SEMA3A: variants seen among roughly 807,000 people sequenced by gnomAD.
SEMA3A encodes the protein semaphorin-3A.
A neutral mutation model predicts 97.9 loss-of-function variants in SEMA3A; 29 were observed. The observed-to-expected ratio is 0.30, with a 90% CI of 0.22 to 0.40. SEMA3A has a LOEUF of 0.40. SEMA3A is among the 10% of genes least tolerant of loss of function. The pLI is 1.00. For synonymous variants in SEMA3A, 321 were observed against 323.7 expected (o/e 0.99, Z 0.09); for missense variants, 763 against 951.3 (o/e 0.80, Z 2.60).
intron 1 of SEMA3A, among the ~76,000 whole-genome samples, chr7:84,470,983 T>G (rs1806131172): frequency 6.6e-6 from 1 of 152,032 alleles, no homozygotes; most frequent in Non-Finnish European, 1.5e-5. Flanking sequence ...TAGACAGGAA[T>G]AAAAGAGAGA....
intron 1 of SEMA3A, among the ~76,000 whole-genome samples, chr7:84,469,013 A>C (rs1806076229): frequency 6.6e-6 from 1 of 152,126 alleles, no homozygotes. Context: ...AATGTAAAGA[A>C]ATTTTTTGAT....
intron 1 of SEMA3A, among the ~76,000 whole-genome samples, chr7:84,395,515 TC>T (rs899252824): frequency 5.3e-5 from 8 of 152,042 alleles, no homozygotes; most frequent in Non-Finnish European, 1.2e-4. Flanking sequence ...TGGTTCTGTG[TC>T]CCCACCCAAA....
At chr7:84,490,548 C>T (rs1372625143) in intron 1 of SEMA3A, among the ~76,000 whole-genome samples, 7 of 151,924 alleles carry the variant, frequency 4.6e-5, no homozygotes, top group Admixed American at 4.6e-4. Context: ...AATTTTCATT[C>T]ACCAATTATT....
At chr7:84,053,088 T>C (rs1283596525) in intron 5 of SEMA3A, among the ~76,000 whole-genome samples, 1 of 145,536 alleles carries the variant, frequency 6.9e-6, no homozygotes, top group African/African-American at 2.5e-5. Flanking sequence ...TAGTTTGTTA[T>C]AATTTCTGTT....
chr7:84,418,958 C>T (rs200206182), intron 1 of SEMA3A, among the ~76,000 whole-genome samples: 1 of 119,974 alleles, frequency 8.3e-6, no homozygotes, highest in Non-Finnish European at 1.9e-5. Context: ...TATATATATA[C>T]ACACACACAT....
rs368307188 is a variant in SEMA3A at position 84,360,330 on chromosome 7, C to T, written c.-169+11494G>A. ...CTGCTTTAAATGTGTCCCAGAGATTCTGCTATGTTGTGTCTCTGTTCTCGT... is the reference window on the plus strand; with the variant it reads ...CTGCTTTAAATGTGTCCCAGAGATTTTGCTATGTTGTGTCTCTGTTCTCGT... On this transcript the variant is annotated intron_variant, in intron 2 of 3. Coordinates refer to the SEMA3A transcript ENST00000424555. 2.6e-4 allele frequency among the ~76,000 whole-genome samples: 39 copies of T among 152,096 alleles called. No homozygotes were observed. The East Asian group carries it at 5.8e-3, about 23-fold the overall frequency.
At chr7:84,325,045 A>G (rs1278048548) in intron 2 of SEMA3A, among the ~76,000 whole-genome samples, 1 of 152,176 alleles carries the variant, frequency 6.6e-6, no homozygotes, top group Non-Finnish European at 1.5e-5. Flanking sequence ...TAAATGCTAT[A>G]TATACCATAA....
At chr7:84,428,036 A>G (rs996169333) in intron 1 of SEMA3A, among the ~76,000 whole-genome samples, 3 of 152,230 alleles carry the variant, frequency 2.0e-5, no homozygotes, top group African/African-American at 7.2e-5. Context: ...TCCTGATATG[A>G]AAAAAGTTCA....
At chr7:84,266,831 C>T (rs946838232) in intron 3 of SEMA3A, among the ~76,000 whole-genome samples, 5 of 151,990 alleles carry the variant, frequency 3.3e-5, no homozygotes, top group African/African-American at 9.7e-5. Context: ...TAAGCATTAC[C>T]TAATCATTGG....
chr7:84,190,000 C>T (rs1797992828), intron 1 of SEMA3A, among the ~76,000 whole-genome samples: 3 of 151,512 alleles, frequency 2.0e-5, no homozygotes, highest in Admixed American at 2.0e-4. Flanking sequence ...GAAAAAAACC[C>T]TAAAAAGTTA....
intron 3 of SEMA3A, among the ~76,000 whole-genome samples, chr7:84,228,610 A>G (rs941211673): frequency 6.6e-5 from 10 of 152,158 alleles, no homozygotes; most frequent in African/African-American, 2.2e-4. Flanking sequence ...CATTTAGAAA[A>G]GAAAAAAAAC....
intron 3 of SEMA3A, among the ~76,000 whole-genome samples, chr7:84,261,751 C>T (rs544489181): frequency 1.3e-5 from 2 of 152,326 alleles, no homozygotes; most frequent in South Asian, 4.1e-4. Flanking sequence ...GCAGGCATGG[C>T]ATCCAGGCTG....
At chr7:84,195,034 G>GAGAA, upstream of SEMA3A, 1 of 152,282 alleles carries the variant, frequency 6.6e-6, no homozygotes, top group African/African-American at 2.4e-5. Flanking sequence ...AAGAGAGAGA[G>GAGAA]AGAGAGAGAG....
At chr7:84,268,423 G>T (rs112136636) in intron 3 of SEMA3A, among the ~76,000 whole-genome samples, 127 of 152,100 alleles carry the variant, frequency 8.3e-4, no homozygotes, top group African/African-American at 2.9e-3. Flanking sequence ...CTGCAGTAGA[G>T]AAGAGTAAAG....
At chr7:84,277,411 A>T (rs1390938325) in intron 3 of SEMA3A, among the ~76,000 whole-genome samples, 1 of 152,082 alleles carries the variant, frequency 6.6e-6, no homozygotes, top group Non-Finnish European at 1.5e-5. Flanking sequence ...CGTGAATAGC[A>T]AAATCCACAA....
chr7:84,213,629 T>C (rs1798682626), intron 3 of SEMA3A, among the ~76,000 whole-genome samples: 1 of 152,274 alleles, frequency 6.6e-6, no homozygotes, highest in East Asian at 1.9e-4. Context: ...CATGCAAACA[T>C]TGGCATAATA....
At chr7:84,066,826 C>T (rs1324022560) in intron 4 of SEMA3A, among the ~76,000 whole-genome samples, 7 of 151,988 alleles carry the variant, frequency 4.6e-5, no homozygotes, top group South Asian at 2.1e-4. Flanking sequence ...GAATCAATAT[C>T]GTGAAAATGG....
chr7:83,968,491 C>A (rs954610047), intron 15 of SEMA3A, among the ~76,000 whole-genome samples: 1 of 151,986 alleles, frequency 6.6e-6, no homozygotes, highest in African/African-American at 2.4e-5. Context: ...TTCTCGTGAA[C>A]AACAGATTCT....
At chr7:84,090,307 T>G (rs35573285) in intron 4 of SEMA3A, among the ~76,000 whole-genome samples, 63,569 of 151,958 alleles carry the variant, frequency 0.42, 15,022 homozygotes, top group Admixed American at 0.53. Context: ...AAAAAGATGA[T>G]AAATTTTCAT....
Sources: gnomAD v4.1 joint callset for allele counts (sites outside exome capture counted in the v4.1 genomes callset) on GRCh38, gnomAD v4.1.1 for gene constraint, MANE v1.5 for transcripts, NCBI Gene and HGNC (gene_info 2026-07-23, HGNC 2026-07-21) for gene names.